Variants in DHRSX observed in about 807,000 individuals in gnomAD.
The protein encoded by DHRSX is polyprenol dehydrogenase.
In DHRSX, 31 loss-of-function variants were observed where a neutral mutation model predicts 34.0. That is an observed-to-expected ratio of 0.91 (90% confidence interval 0.69 to 1.23). The LOEUF is 1.23. Ranked by LOEUF, DHRSX falls within the 50% of genes most tolerant of loss-of-function variation. The pLI, the probability that DHRSX is intolerant of heterozygous loss-of-function variation, is 0.00. For synonymous variants in DHRSX, 201 were observed against 183.8 expected, an observed-to-expected ratio of 1.09 and a Z score of -0.76; for missense variants, 414 against 428.1, an observed-to-expected ratio of 0.97 and a Z score of 0.29.
At chrX:2,304,843 T>G (rs1042690908) in intron 3 of DHRSX, among the ~76,000 whole-genome samples, 4 of 151,976 alleles carry the variant, frequency 2.6e-5, no homozygotes, top group South Asian at 2.1e-4. Context: ...GACCCAGCAA[T>G]CCCATTACTA....
chrX:2,307,365 T>TAAAGGCTAAAAC (rs1375455871), intron 3 of DHRSX, among the ~76,000 whole-genome samples: 1 of 152,138 alleles, frequency 6.6e-6, no homozygotes, highest in Non-Finnish European at 1.5e-5. Context: ...AGGTATTTTG[T>TAAAGGCTAAAAC]TCACCGTTTG....
In DHRSX at chrX:2,485,051, TG is replaced by T. The variant is rs907261194; in HGVS notation, c.109+15765del. Among the ~76,000 whole-genome samples, 7 of 151,960 alleles carry T rather than the reference TG, an allele frequency of 4.6e-5. No homozygotes were observed. In the East Asian group the frequency reaches 5.8e-4, roughly 13 times the overall value. On this transcript the variant is annotated intron_variant, in intron 1 of 6. Transcript: ENST00000334651. ...GTTCGAAGCAGGCAATTCTGCAAAG[TG>T]GGGGGGAAACAAAAACAACCAGCTC...
intron 3 of DHRSX, among the ~76,000 whole-genome samples, chrX:2,317,255 G>GTTTTTTT (rs2042251340): frequency 6.1e-5 from 2 of 32,582 alleles, no homozygotes; most frequent in Admixed American, 2.3e-4. Flanking sequence ...ACCGCGCCTG[G>GTTTTTTT]CTTTTTTTTT....
At chrX:2,295,875 C>T (rs1202238303) in intron 3 of DHRSX, among the ~76,000 whole-genome samples, 1 of 152,170 alleles carries the variant, frequency 6.6e-6, no homozygotes, top group East Asian at 1.9e-4. Flanking sequence ...CGCATACGCA[C>T]ATTTATTTTC....
At chrX:2,499,823 T>A (rs1249787885) in intron 1 of DHRSX, among the ~76,000 whole-genome samples, 1 of 152,196 alleles carries the variant, frequency 6.6e-6, no homozygotes, top group East Asian at 1.9e-4. Context: ...GGAAGGAAGA[T>A]CGCTTGAGCC....
chrX:2,400,705 G>A (rs1207791310), intron 3 of DHRSX, among the ~76,000 whole-genome samples: 1 of 152,112 alleles, frequency 6.6e-6, no homozygotes, highest in African/African-American at 2.4e-5. Context: ...TCTTGCACGT[G>A]GAACGGGTCA....
intron 1 of DHRSX, among the ~76,000 whole-genome samples, chrX:2,484,076 C>T (rs984097807): frequency 5.9e-5 from 9 of 152,166 alleles, no homozygotes; most frequent in South Asian, 2.1e-4. Flanking sequence ...CCCTGGTTCA[C>T]GCGATTCTCC....
intron 3 of DHRSX, among the ~76,000 whole-genome samples, chrX:2,325,993 A>AT (rs1420743862): frequency 5.9e-5 from 9 of 152,186 alleles, no homozygotes; most frequent in Non-Finnish European, 1.2e-4. Flanking sequence ...GAGCTTGCGC[A>AT]TTTTAATTCC....
Position 2,221,220 on chromosome X carries a change from C to A in DHRSX, c.814G>T (p.Glu272Ter). ...GCGTAGATGGAAGTCCACGCTCCTT[C>A]ATCGGGGGTCTGGTGGAAGAAGAAA... ...LGWLLFKTPD[E>*]GAWTSIYAAV... The change falls in exon 7 of 7, where the codon GAA becomes TAA. Residue 272 changes from glutamate (E) to a stop codon, truncating the protein, a stop_gained. Transcript: ENST00000334651. LOFTEE classifies it high-confidence loss of function. The A allele has an allele frequency of 6.2e-7, 1 of 1,613,028 alleles. No individual in the cohort carries two copies. The highest frequency in any genetic ancestry group is 8.5e-7 in the Non-Finnish European group (1 of 1,179,406).
At chrX:2,408,606 A>G (rs1366601294) in intron 3 of DHRSX, 139 bp downstream of exon 3, 2 of 740,818 alleles carry the variant, frequency 2.7e-6, no homozygotes, top group African/African-American at 1.8e-5. Context: ...GAAATCCCCA[A>G]AAGAAGAGTG....
chrX:2,458,097 T>G (rs2044337121), intron 1 of DHRSX, among the ~76,000 whole-genome samples: 2 of 152,014 alleles, frequency 1.3e-5, no homozygotes, highest in African/African-American at 4.8e-5. Context: ...GTGTACACAC[T>G]GAAGACATTC....
At chrX:2,381,901 C>A (rs1347578989) in intron 3 of DHRSX, among the ~76,000 whole-genome samples, 1 of 151,286 alleles carries the variant, frequency 6.6e-6, no homozygotes, top group South Asian at 2.1e-4. Flanking sequence ...AAAAGCAGAG[C>A]CTAGATGTGC....
At chrX:2,371,706 A>C (rs1222396241) in intron 3 of DHRSX, among the ~76,000 whole-genome samples, 2 of 133,420 alleles carry the variant, frequency 1.5e-5, no homozygotes, top group Admixed American at 7.4e-5. Context: ...TCCTCCTCCC[A>C]TTATCACAGC....
At chrX:2,403,432 C>G (rs1030799389) in intron 3 of DHRSX, among the ~76,000 whole-genome samples, 8 of 152,172 alleles carry the variant, frequency 5.3e-5, no homozygotes, top group Non-Finnish European at 1.0e-4. Flanking sequence ...TTATATGCCA[C>G]AAGTAAACTA....
At chrX:2,221,436 C>G (rs774821127) in intron 6 of DHRSX, among the ~76,000 whole-genome samples, 2 of 152,128 alleles carry the variant, frequency 1.3e-5, no homozygotes, top group East Asian at 3.9e-4. Context: ...CTGACAATAA[C>G]GTACCCAAGT....
At chrX:2,232,868 G>A (rs770081417) in intron 6 of DHRSX, among the ~76,000 whole-genome samples, 2 of 151,962 alleles carry the variant, frequency 1.3e-5, no homozygotes, top group Non-Finnish European at 2.9e-5. Flanking sequence ...CATCGTGCCC[G>A]ACCCAAGAAT....
chrX:2,257,772 C>A (rs1381752081), intron 5 of DHRSX, among the ~76,000 whole-genome samples: 1 of 152,032 alleles, frequency 6.6e-6, no homozygotes, highest in Non-Finnish European at 1.5e-5. Flanking sequence ...GTTATAGGCA[C>A]CTGCCATGGC....
intron 5 of DHRSX, among the ~76,000 whole-genome samples, chrX:2,248,285 T>C (rs35364028): frequency 0.42 from 64,150 of 151,312 alleles, 15,136 homozygotes; most frequent in Middle Eastern, 0.58. Context: ...TACAAAAAAT[T>C]AACTGGGTGT....
chrX:2,252,099 G>T (rs1169197010), intron 5 of DHRSX, among the ~76,000 whole-genome samples: 1 of 152,034 alleles, frequency 6.6e-6, no homozygotes, highest in Non-Finnish European at 1.5e-5. Flanking sequence ...TTAGCAGGGC[G>T]TGGTGGCAGG....
Sources: allele counts gnomAD v4.1 joint callset (sites outside exome capture counted in the v4.1 genomes callset), GRCh38; gene constraint gnomAD v4.1.1; transcripts MANE v1.5; gene names NCBI Gene and HGNC (gene_info 2026-07-23, HGNC 2026-07-21).